LRRTM4: variants seen among roughly 807,000 people sequenced by gnomAD.
The protein encoded by LRRTM4 is leucine rich repeat transmembrane neuronal 4, also known as leucine-rich repeat transmembrane neuronal protein 4.
Under a neutral mutation model 47.6 loss-of-function variants are expected in LRRTM4, and 25 were observed. The ratio of observed to expected loss-of-function variants is 0.53; its 90% CI spans 0.38 to 0.73. LRRTM4 has a LOEUF of 0.73. Ranked by LOEUF, LRRTM4 falls within the 30% of genes least tolerant of loss-of-function variation. The pLI is 0.00. For missense variants in LRRTM4, 638 were observed against 713.4 expected (o/e 0.89, Z 1.20); for synonymous variants, 311 against 269.5 (o/e 1.15, Z -1.51).
intron 3 of LRRTM4, among the ~76,000 whole-genome samples, chr2:77,298,696 A>G (rs193193793): frequency 1.2e-4 from 18 of 152,314 alleles, no homozygotes; most frequent in African/African-American, 4.3e-4. Context: ...CTAGCAATGC[A>G]GTTTGCCAAT....
intron 3 of LRRTM4, among the ~76,000 whole-genome samples, chr2:76,966,771 C>T (rs1180256221): frequency 2.6e-5 from 4 of 151,464 alleles, no homozygotes; most frequent in Non-Finnish European, 5.9e-5. Flanking sequence ...AATTCTTATA[C>T]AACATTGTAC....
chr2:76,856,063 G>A (rs1203283512), intron 3 of LRRTM4, among the ~76,000 whole-genome samples: 2 of 152,122 alleles, frequency 1.3e-5, no homozygotes, highest in Non-Finnish European at 1.5e-5. Flanking sequence ...GATTACCTGA[G>A]GTCAGGAGTT....
At chr2:77,254,878 T>C (rs1573150528) in intron 3 of LRRTM4, among the ~76,000 whole-genome samples, 1 of 127,514 alleles carries the variant, frequency 7.8e-6, no homozygotes, top group Non-Finnish European at 1.7e-5. Context: ...AACAGAGAAA[T>C]AGGAAAGAGA....
chr2:77,445,654 T>TTGTA (rs1676023726), intron 3 of LRRTM4, among the ~76,000 whole-genome samples: 1 of 152,060 alleles, frequency 6.6e-6, no homozygotes, highest in African/African-American at 2.4e-5. Context: ...CATTTTCACA[T>TTGTA]CTCCAAACAA....
In LRRTM4 at chr2:76,987,921, T is replaced by C. The variant is rs190255540; in HGVS notation, c.1552-239005A>G. Among the ~76,000 whole-genome samples the C allele has an allele frequency of 7.9e-5, 12 of 152,014 alleles. No individual in the cohort carries two copies. The East Asian group carries it at 2.3e-3, about 30-fold the overall frequency. On this transcript the variant is annotated intron_variant, in intron 3 of 3. Coordinates refer to ENST00000409884, the MANE Select transcript of LRRTM4 (RefSeq NM_001134745.3). ...AGAGCTGAATATTGGTGAGTACTAA[T>C]AATGATTGCTATGGAATATATTTAT...
rs58469429 is a variant in LRRTM4 at position 76,873,506 on chromosome 2, G to GTATATATATATATATA, written c.1552-124606_1552-124591dup. 7.2e-4 allele frequency among the ~76,000 whole-genome samples: 81 copies of GTATATATATATATATA among 112,300 alleles called. 1 individual carries two copies. Among genetic ancestry groups the GTATATATATATATATA allele is most frequent in the African/African-American group, 2.4e-3 (75 of 30,804 alleles). The allele number at this position is 112,300 out of a possible 152,430, so 73.7% of individuals were successfully genotyped here. On this transcript the variant is annotated intron_variant, in intron 3 of 3. Coordinates refer to ENST00000409884, the MANE Select transcript of LRRTM4 (RefSeq NM_001134745.3). ...TATGTGTGTGTGTATATATATGTGT[G>GTATATATATATATATA]TATATATATATATATATATATATAT...
chr2:76,981,131 G>A (rs1282078579), intron 3 of LRRTM4, among the ~76,000 whole-genome samples: 1 of 151,950 alleles, frequency 6.6e-6, no homozygotes, highest in East Asian at 1.9e-4. Context: ...TTATCTTGTT[G>A]TTACACTAAA....
chr2:77,448,349 C>T (rs576546029), intron 3 of LRRTM4, among the ~76,000 whole-genome samples: 12 of 152,184 alleles, frequency 7.9e-5, no homozygotes, highest in South Asian at 4.1e-4. Context: ...ACATAAGAGA[C>T]GAAATTATCA....
In LRRTM4 at chr2:77,189,039, G is replaced by A. The variant is rs572099190; in HGVS notation, c.1551+329279C>T. Among the ~76,000 whole-genome samples, 4 of 151,772 alleles carry A rather than the reference G, an allele frequency of 2.6e-5. No homozygotes were observed. In the East Asian group the frequency reaches 7.8e-4, roughly 29 times the overall value. On this transcript the variant is annotated intron_variant, in intron 3 of 3. Transcript: ENST00000409884. ...AAACAGCTAATAAGTGGAAGATGGT[G>A]GATTTAAATCCAAATTAATTTTTAT...
Position 77,080,100 on chromosome 2 carries a change from T to C in LRRTM4, c.1552-331184A>G, listed in dbSNP as rs974951447. ...TTTAAAATTACTCTCATTAAACCCT[T>C]CAATGGTCATACATTGCTAAATTCA... On this transcript the variant is annotated intron_variant, in intron 3 of 3. Coordinates refer to ENST00000409884, the MANE Select transcript of LRRTM4 (RefSeq NM_001134745.3). Among the ~76,000 whole-genome samples, 3 of 152,196 alleles carry C rather than the reference T, an allele frequency of 2.0e-5. No homozygotes were observed. The East Asian group carries it at 5.8e-4, about 29-fold the overall frequency.
chr2:76,999,827 A>G (rs1399323711), intron 3 of LRRTM4, among the ~76,000 whole-genome samples: 2 of 152,150 alleles, frequency 1.3e-5, no homozygotes, highest in African/African-American at 4.8e-5. Flanking sequence ...GAACAATTAT[A>G]TAATGTAGAT....
At chr2:77,483,343 A>G (rs72811280) in intron 3 of LRRTM4, among the ~76,000 whole-genome samples, 30,502 of 151,802 alleles carry the variant, frequency 0.2, 3,845 homozygotes, top group Non-Finnish European at 0.27. Flanking sequence ...TGAGAAGAGG[A>G]CTTTTTAGTG....
intron 3 of LRRTM4, among the ~76,000 whole-genome samples, chr2:76,767,740 C>CT (rs1673513003): frequency 6.6e-6 from 1 of 152,064 alleles, no homozygotes; most frequent in South Asian, 2.1e-4. Flanking sequence ...TCCTGCTTCC[C>CT]TTTTTCTCTT....
At chr2:77,370,839 G>C (rs1156511652) in intron 3 of LRRTM4, among the ~76,000 whole-genome samples, 1 of 151,692 alleles carries the variant, frequency 6.6e-6, no homozygotes, top group Admixed American at 6.6e-5. Flanking sequence ...GTTTCCATCA[G>C]TCACAGCTCT....
chr2:77,006,695 C>T (rs779431071), intron 3 of LRRTM4, among the ~76,000 whole-genome samples: 29 of 151,936 alleles, frequency 1.9e-4, no homozygotes, highest in Non-Finnish European at 3.2e-4. Context: ...TGAAGAAAAC[C>T]GGGAGACTAG....
intron 3 of LRRTM4, among the ~76,000 whole-genome samples, chr2:77,312,572 T>C (rs58280532): frequency 0.14 from 21,874 of 152,180 alleles, 2,044 homozygotes; most frequent in East Asian, 0.44. Context: ...GTGAAACCTA[T>C]ACTTCAATTA....
intron 3 of LRRTM4, among the ~76,000 whole-genome samples, chr2:76,756,032 AG>A (rs527489537): frequency 6.8e-4 from 103 of 152,276 alleles, no homozygotes; most frequent in African/African-American, 2.4e-3. Context: ...TGTGGCAATA[AG>A]ATACCAAATT....
rs10084401 is a variant in LRRTM4 at position 76,926,384 on chromosome 2, A to G, written c.1552-177468T>C. 4.3e-3 allele frequency among the ~76,000 whole-genome samples: 649 copies of G among 152,326 alleles called. 1 individual carries two copies. Among genetic ancestry groups the G allele is most frequent in the African/African-American group, 0.015 (628 of 41,584 alleles). On this transcript the variant is annotated intron_variant, in intron 3 of 3. Transcript: ENST00000409884. ...TATTAGATCCAGCAAATTTTATTAC[A>G]TAATAAATGGATTCTCTAGGTCTCA... is the stretch of plus-strand genomic sequence containing the variant.
intron 3 of LRRTM4, among the ~76,000 whole-genome samples, chr2:77,210,918 C>T (rs1490720187): frequency 1.3e-5 from 2 of 152,108 alleles, no homozygotes; most frequent in African/African-American, 4.8e-5. Flanking sequence ...GGAAGCTCTG[C>T]TGAGCAACGG....
Sources: gnomAD v4.1 joint callset for allele counts (sites outside exome capture counted in the v4.1 genomes callset) on GRCh38, gnomAD v4.1.1 for gene constraint, MANE v1.5 for transcripts, NCBI Gene and HGNC (gene_info 2026-07-23, HGNC 2026-07-21) for gene names.